RIN3: variants seen among roughly 807,000 people sequenced by gnomAD.
RIN3 encodes the protein RAB5 interacting protein 3.
A neutral mutation model predicts 76.3 loss-of-function variants in RIN3; 54 were observed. The observed-to-expected ratio is 0.71, with a 90% confidence interval of 0.57 to 0.89. The LOEUF (loss-of-function observed/expected upper bound fraction) is 0.89. Ranked by LOEUF, RIN3 falls within the 40% of genes least tolerant of loss-of-function variation. The pLI is 0.00. For synonymous variants in RIN3, 576 were observed against 564.0 expected (o/e 1.02, Z -0.30); for missense variants, 1,256 against 1,322.1 (o/e 0.95, Z 0.78).
chr14:92,611,214 T>C (rs1885718753), intron 3 of RIN3, among the ~76,000 whole-genome samples: 1 of 152,224 alleles, frequency 6.6e-6, no homozygotes, highest in South Asian at 2.1e-4. Context: ...TGGCATTCCT[T>C]GCATCACTGC....
At chr14:92,578,537 A>G (rs1898331202) in intron 3 of RIN3, among the ~76,000 whole-genome samples, 1 of 152,246 alleles carries the variant, frequency 6.6e-6, no homozygotes, top group African/African-American at 2.4e-5. Context: ...TTTGATGTAC[A>G]TAAAGCCAAC....
At chr14:92,577,622 A>G (rs1898291446) in intron 3 of RIN3, 145 bp downstream of exon 3, 1 of 562,820 alleles carries the variant, frequency 1.8e-6, no homozygotes, top group Non-Finnish European at 3.2e-6. Context: ...CACTGAAGTT[A>G]CTTAGCCAGA....
intron 1 of RIN3, among the ~76,000 whole-genome samples, chr14:92,525,723 T>C (rs1285222889): frequency 6.6e-6 from 1 of 152,106 alleles, no homozygotes; most frequent in East Asian, 1.9e-4. Flanking sequence ...CCCTCAGCCA[T>C]AGACTCTCAG....
At chr14:92,668,008 A>G (rs1888168780) in intron 7 of RIN3, among the ~76,000 whole-genome samples, 1 of 152,180 alleles carries the variant, frequency 6.6e-6, no homozygotes, top group Non-Finnish European at 1.5e-5. Flanking sequence ...TTATAGGACA[A>G]AATCCCCTCC....
At chr14:92,556,569 C>T (rs1566841159) in intron 2 of RIN3, among the ~76,000 whole-genome samples, 1 of 146,906 alleles carries the variant, frequency 6.8e-6, no homozygotes, top group Admixed American at 6.9e-5. Context: ...GATGGATGGA[C>T]AGACAGACAG....
intron 1 of RIN3, among the ~76,000 whole-genome samples, chr14:92,548,490 G>T (rs891916337): frequency 6.6e-6 from 1 of 152,178 alleles, no homozygotes; most frequent in African/African-American, 2.4e-5. Flanking sequence ...TTATTTTCTT[G>T]TGGTTCTCAA....
chr14:92,681,170 C>G lies in RIN3; in HGVS notation c.2468-3817C>G, dbSNP rs1367427122. On this transcript the variant is annotated intron_variant, in intron 8 of 9. Coordinates refer to ENST00000216487, the MANE Select transcript of RIN3 (RefSeq NM_024832.5). This position sits in a 1 kb window ranked among gnomAD's most constrained non-coding sequence, Gnocchi z 4.7. ...TGCCGGGCTGGTGTCTTTCCAGGGGCAGTGGGTTTTTCCAATCAACGCATT... is the reference window on the plus strand; with the variant it reads ...TGCCGGGCTGGTGTCTTTCCAGGGGGAGTGGGTTTTTCCAATCAACGCATT... 6.6e-6 allele frequency among the ~76,000 whole-genome samples: 1 copy of G among 152,208 alleles called. No individual in the cohort carries two copies. Among genetic ancestry groups the G allele is most frequent in the East Asian group, 1.9e-4 (1 of 5,192 alleles).
At chr14:92,622,923 G>A (rs750794778) in intron 4 of RIN3, among the ~76,000 whole-genome samples, 3 of 152,178 alleles carry the variant, frequency 2.0e-5, no homozygotes, top group African/African-American at 7.2e-5. Flanking sequence ...AATATGATTC[G>A]GATTTCGTGT....
At chr14:92,554,079 G>A (rs977918812) in intron 1 of RIN3, among the ~76,000 whole-genome samples, 1 of 152,204 alleles carries the variant, frequency 6.6e-6, no homozygotes, top group Non-Finnish European at 1.5e-5. Context: ...AAGATGGAAG[G>A]CACCATCCAC....
intron 1 of RIN3, among the ~76,000 whole-genome samples, chr14:92,543,262 G>T (rs1291856930): frequency 1.2e-4 from 18 of 151,988 alleles, no homozygotes; most frequent in Non-Finnish European, 2.5e-4. Context: ...TTTATGGGGG[G>T]TGGGGGGAGT....
At chr14:92,546,194 G>A (rs1211299338) in intron 1 of RIN3, among the ~76,000 whole-genome samples, 3 of 151,894 alleles carry the variant, frequency 2.0e-5, no homozygotes, top group Admixed American at 2.0e-4. Context: ...CAAAGGGCTG[G>A]GATTACAGGC....
Position 92,523,174 on chromosome 14 carries a change from G to A in RIN3, c.44+9198G>A, listed in dbSNP as rs555065334. 5.9e-5 allele frequency among the ~76,000 whole-genome samples: 9 copies of A among 152,250 alleles called. No individual in the cohort carries two copies. The South Asian group carries it at 1.7e-3, about 28-fold the overall frequency. On this transcript the variant is annotated intron_variant, in intron 1 of 9. Transcript: ENST00000216487. ...GTCACCCAGGCTGGAGTGCAGTGGC[G>A]ATCTTGGCTCACTGCAACCTCTGCC...
chr14:92,674,182 G>A (rs1311767420), intron 7 of RIN3, among the ~76,000 whole-genome samples: 1 of 152,186 alleles, frequency 6.6e-6, no homozygotes, highest in East Asian at 1.9e-4. Flanking sequence ...GAGGGAAGGA[G>A]CTTGCTACGG....
At position 92,513,819 on chromosome 14, in the gene RIN3, G is replaced by T; in HGVS notation, c.-114G>T. 1 of 624,576 alleles carries T rather than the reference G, an allele frequency of 1.6e-6. No homozygotes were observed. The highest frequency in any genetic ancestry group is 2.3e-6 in the Non-Finnish European group (1 of 436,064). 38.7% of individuals were successfully genotyped at this position (624,576 alleles called of 1,614,324 possible). On this transcript the variant is annotated 5_prime_UTR_variant, in exon 1 of 10. Transcript: ENST00000216487. ...AGCCCCAGAGCGCGGCGGCAGCGGCGGCCTGGCCCTTCCAGAGGGCCAGAG... is the reference window on the plus strand; with the variant it reads ...AGCCCCAGAGCGCGGCGGCAGCGGCTGCCTGGCCCTTCCAGAGGGCCAGAG...
At position 92,513,995 on chromosome 14, in the gene RIN3, C is replaced by T. The variant is rs1896367548; in HGVS notation, c.44+19C>T. The T allele has an allele frequency of 1.6e-6, 2 of 1,232,942 alleles. No homozygotes were observed. Among genetic ancestry groups the T allele is most frequent in the East Asian group, 6.3e-5 (2 of 31,500 alleles). 76.4% of individuals were successfully genotyped at this position (1,232,942 alleles called of 1,614,324 possible). A position where few individuals can be genotyped will look rare whatever the true frequency, so the allele number is the denominator to read the frequency against. On this transcript the variant is annotated intron_variant, in intron 1 of 9. Transcript: ENST00000216487. ...CCACGGGGTAAGTCCGGGCGGCCGCCCCCTCCTCCCTCGCGATCCCCACGG... is the reference window on the plus strand; with the variant it reads ...CCACGGGGTAAGTCCGGGCGGCCGCTCCCTCCTCCCTCGCGATCCCCACGG...
intron 4 of RIN3, among the ~76,000 whole-genome samples, chr14:92,625,482 T>G (rs533719867): frequency 6.6e-6 from 1 of 152,164 alleles, no homozygotes; most frequent in Non-Finnish European, 1.5e-5. Context: ...TTTAACCACA[T>G]TATTAGCTGT....
chr14:92,565,241 C>G (rs1205811997), intron 2 of RIN3, among the ~76,000 whole-genome samples: 1 of 152,112 alleles, frequency 6.6e-6, no homozygotes, highest in Non-Finnish European at 1.5e-5. Context: ...ATGGAGCCAT[C>G]CATGAACACT....
In RIN3 at chr14:92,555,955, G is replaced by T; in HGVS notation, c.249G>T (p.Gly83=). ...GGATCCTGCACCGGGTGGTGGCTGG[G>T]GTGAGTGGGGGCGTCTCCCACTTGG... is the stretch of plus-strand genomic sequence containing the variant. ...VARILHRVVA[G]MFLVRRDSSS... The change falls in exon 2 of 10, where the codon GGG becomes GGT. Residue 83 remains glycine, a splice_region_variant and synonymous_variant. Transcript: ENST00000216487. 1 of 1,610,790 alleles carries T rather than the reference G, an allele frequency of 6.2e-7. No homozygotes were observed. The highest frequency in any genetic ancestry group is 2.2e-5 in the East Asian group (1 of 44,876).
In RIN3 at chr14:92,653,023, C is replaced by A; in HGVS notation, c.1974C>A (p.Ser658Arg). ...MTQLKSYLLQ[S>R]TELKALVDPA... Reference sequence around the variant, plus strand: ...AGCTCAAGAGCTACCTGCTGCAGAGCACCGAGCTCAAGGCCCTGGTGGACC... The same window carrying A: ...AGCTCAAGAGCTACCTGCTGCAGAGAACCGAGCTCAAGGCCCTGGTGGACC... The change falls in exon 6 of 10, where the codon AGC becomes AGA. Residue 658 changes from serine (S) to arginine (R), a missense_variant. Ser to Arg is a moderately radical substitution (Grantham distance 110). Transcript: ENST00000216487. 15 of 1,610,836 alleles carry A rather than the reference C, an allele frequency of 9.3e-6. No homozygotes were observed. The highest frequency in any genetic ancestry group is 1.3e-5 in the Non-Finnish European group (15 of 1,179,974).
Sources: gnomAD v4.1 joint callset for allele counts (sites outside exome capture counted in the v4.1 genomes callset) on GRCh38, gnomAD v4.1.1 for gene constraint, Gnocchi (gnomAD v3.1) non-coding constraint, MANE v1.5 for transcripts, NCBI Gene and HGNC (gene_info 2026-07-23, HGNC 2026-07-21) for gene names.